The following GRIN2A variants were observed in gnomAD, a reference collection of about 807,000 sequenced individuals.
The protein encoded by GRIN2A is glutamate ionotropic receptor NMDA type subunit 2A.
A neutral mutation model predicts 113.4 loss-of-function variants in GRIN2A; 22 were observed. That is an observed-to-expected ratio of 0.19 (90% CI 0.14 to 0.28). The LOEUF (loss-of-function observed/expected upper bound fraction) is 0.28, where lower values mean the gene tolerates loss of function less well. GRIN2A is among the 10% of genes least tolerant of loss of function. The probability of loss-of-function intolerance (pLI) is 1.00; values close to 1 mark genes in which losing one functional copy is unlikely to be tolerated. For missense variants in GRIN2A, 1,502 were observed against 1,887.0 expected, an observed-to-expected ratio of 0.80 and a Z score of 3.78; for synonymous variants, 827 against 738.4, an observed-to-expected ratio of 1.12 and a Z score of -1.94.
chr16:10,060,953 G>A (rs1316789290), intron 2 of GRIN2A, among the ~76,000 whole-genome samples: 3 of 152,166 alleles, frequency 2.0e-5, no homozygotes, highest in African/African-American at 7.2e-5. Context: ...CCCACCCAAT[G>A]TCGGTTCTCC....
intron 2 of GRIN2A, among the ~76,000 whole-genome samples, chr16:10,146,931 C>G (rs1373050911): frequency 6.6e-6 from 1 of 152,046 alleles, no homozygotes; most frequent in African/African-American, 2.4e-5. Context: ...TTGCTACTAC[C>G]TACACAATCC....
At chr16:10,048,025 T>A (rs993790373) in intron 2 of GRIN2A, among the ~76,000 whole-genome samples, 1 of 152,192 alleles carries the variant, frequency 6.6e-6, no homozygotes, top group Admixed American at 6.5e-5. Context: ...TTAATCACAA[T>A]CTGTTTCTGA....
chr16:9,784,463 A>AAAC (rs1902110235), intron 11 of GRIN2A, among the ~76,000 whole-genome samples: 3 of 133,740 alleles, frequency 2.2e-5, no homozygotes, highest in African/African-American at 1.1e-4. Context: ...ACAAACAAAC[A>AAAC]AAAAACCTAA....
chr16:9,811,369 T>G (rs1461884670), intron 10 of GRIN2A, among the ~76,000 whole-genome samples: 1 of 152,204 alleles, frequency 6.6e-6, no homozygotes, highest in African/African-American at 2.4e-5. Context: ...TTCAGTGTCC[T>G]CCTCTATAAA....
At chr16:9,825,901 G>T (rs1020953442) in intron 9 of GRIN2A, among the ~76,000 whole-genome samples, 19 of 151,994 alleles carry the variant, frequency 1.3e-4, no homozygotes, top group Admixed American at 2.6e-4. Context: ...CCAACTCAGT[G>T]CAATAACATT....
chr16:10,079,559 T>A (rs981116244), intron 2 of GRIN2A, among the ~76,000 whole-genome samples: 1 of 152,172 alleles, frequency 6.6e-6, no homozygotes, highest in Non-Finnish European at 1.5e-5. Flanking sequence ...TAAATGATAT[T>A]CATGCCCTGA....
chr16:10,176,240 G>A (rs2050146203), intron 2 of GRIN2A, among the ~76,000 whole-genome samples: 1 of 151,894 alleles, frequency 6.6e-6, no homozygotes, highest in Non-Finnish European at 1.5e-5. Flanking sequence ...CCTGACCTCA[G>A]GTGATCCACC....
chr16:9,867,730 T>C (rs550142930), intron 4 of GRIN2A, among the ~76,000 whole-genome samples: 1 of 152,188 alleles, frequency 6.6e-6, no homozygotes, highest in Non-Finnish European at 1.5e-5. Context: ...TCCCACCTCG[T>C]TGGCTGATTC....
At position 10,026,301 on chromosome 16, in the gene GRIN2A, A is replaced by G. The variant is rs114342879; in HGVS notation, c.415-87750T>C. Among the ~76,000 whole-genome samples the G allele has an allele frequency of 4.1e-3, 619 of 152,280 alleles. 1 individual carries two copies. Among genetic ancestry groups the G allele is most frequent in the African/African-American group, 0.014 (597 of 41,558 alleles). ...CCTCTGTATAACAAGAGTAATAAAA[A>G]GTAGCTTCCTCATGGTATTATTGTG... On this transcript the variant is annotated intron_variant, in intron 2 of 12. Coordinates refer to ENST00000330684, the MANE Select transcript of GRIN2A (RefSeq NM_001134407.3).
intron 10 of GRIN2A, among the ~76,000 whole-genome samples, chr16:9,809,566 C>A (rs1456792109): frequency 6.7e-6 from 1 of 148,564 alleles, no homozygotes; most frequent in South Asian, 2.1e-4. Context: ...TTTTTTTTTA[C>A]AATGAGGATA....
intron 8 of GRIN2A, 149 bp from the exon 9 acceptor site, chr16:9,829,801 C>T: frequency 1.6e-6 from 1 of 634,378 alleles, no homozygotes; most frequent in Non-Finnish European, 2.9e-6. Flanking sequence ...CCTAGAACCA[C>T]AATAACTTAT....
At chr16:9,790,482 C>G (rs1012291365) in intron 11 of GRIN2A, among the ~76,000 whole-genome samples, 1 of 152,086 alleles carries the variant, frequency 6.6e-6, no homozygotes, top group Admixed American at 6.6e-5. Context: ...GGTTATATGC[C>G]TCATATTGCA....
chr16:9,783,627 C>G (rs563245209), intron 11 of GRIN2A, among the ~76,000 whole-genome samples: 1 of 152,240 alleles, frequency 6.6e-6, no homozygotes, highest in African/African-American at 2.4e-5. Flanking sequence ...TCACAATCAC[C>G]AAGGGCTCTG....
At chr16:9,805,869 A>G (rs1745191788) in intron 10 of GRIN2A, among the ~76,000 whole-genome samples, 1 of 152,162 alleles carries the variant, frequency 6.6e-6, no homozygotes, top group Non-Finnish European at 1.5e-5. Flanking sequence ...AGGCATGACA[A>G]GCTTTGAAAT....
intron 2 of GRIN2A, among the ~76,000 whole-genome samples, chr16:9,944,822 G>A (rs1215597984): frequency 6.6e-6 from 1 of 152,138 alleles, no homozygotes; most frequent in Non-Finnish European, 1.5e-5. Flanking sequence ...TACTTAAGCA[G>A]ACCTGCCAGA....
chr16:10,124,007 C>T (rs541284724), intron 2 of GRIN2A, among the ~76,000 whole-genome samples: 1 of 152,246 alleles, frequency 6.6e-6, no homozygotes, highest in South Asian at 2.1e-4. Context: ...TCACAGAGCC[C>T]TTGTTCCCAC....
chr16:9,845,902 A>G (rs570234089), intron 5 of GRIN2A, among the ~76,000 whole-genome samples: 1 of 152,206 alleles, frequency 6.6e-6, no homozygotes, highest in African/African-American at 2.4e-5. Flanking sequence ...CGTAAGTTCC[A>G]TGATGGAAAG....
intron 2 of GRIN2A, among the ~76,000 whole-genome samples, chr16:9,992,338 A>C (rs777397423): frequency 1.3e-5 from 2 of 152,166 alleles, no homozygotes; most frequent in Non-Finnish European, 2.9e-5. Flanking sequence ...ATTGTCTCTC[A>C]AGCTGATGTT....
rs1264065440 is a variant in GRIN2A at position 9,760,428 on chromosome 16, G to A, written c.*2721C>T. ...GGGATCATCACATTGAAGAGTCATT[G>A]AATTAGTAGAGAAGGGATACCATAA... On this transcript the variant is annotated 3_prime_UTR_variant, in exon 13 of 13. Transcript: ENST00000330684. 2.4e-5 allele frequency: 3 copies of A among 126,524 alleles called. No homozygotes were observed. Among genetic ancestry groups the A allele is most frequent in the Non-Finnish European group, 4.3e-5 (3 of 69,534 alleles). 7.8% of individuals were successfully genotyped at this position (126,524 alleles called of 1,614,324 possible). A position where few individuals can be genotyped will look rare whatever the true frequency, so the allele number is the denominator to read the frequency against.
Sources: gnomAD v4.1 joint callset for allele counts (sites outside exome capture counted in the v4.1 genomes callset) on GRCh38, gnomAD v4.1.1 for gene constraint, MANE v1.5 for transcripts, NCBI Gene and HGNC (gene_info 2026-07-23, HGNC 2026-07-21) for gene names.